Variants in CCDC61 observed in about 807,000 individuals in gnomAD.
CCDC61 encodes the protein coiled-coil domain containing 61.
Under a neutral mutation model 63.0 loss-of-function variants are expected in CCDC61, and 55 were observed. The observed-to-expected ratio is 0.87, with a 90% CI of 0.70 to 1.09. CCDC61 has a LOEUF of 1.09. Among genes scored for constraint, CCDC61 ranks in the 50% least tolerant of loss-of-function variants. CCDC61 has a pLI of 0.00. For missense variants in CCDC61, 651 were observed against 731.4 expected (o/e 0.89, Z 1.27); for synonymous variants, 270 against 317.0 (o/e 0.85, Z 1.58).
At chr19:46,011,144 G>C (rs1007232134) in intron 5 of CCDC61, among the ~76,000 whole-genome samples, 4 of 151,296 alleles carry the variant, frequency 2.6e-5, no homozygotes, top group Non-Finnish European at 5.9e-5. Flanking sequence ...TACCTCCTGG[G>C]CTCAAGCGAT....
At position 46,016,859 on chromosome 19, in the gene CCDC61, C is replaced by A; in HGVS notation, c.1231+26C>A. Reference sequence around the variant, plus strand: ...GTAACTGGCCTGGAGCTGGGGGCTGCCGGGCTAGGCGGGACTGGGCGGGGC... The same window carrying A: ...GTAACTGGCCTGGAGCTGGGGGCTGACGGGCTAGGCGGGACTGGGCGGGGC... On this transcript the variant is annotated intron_variant, in intron 10 of 13. Transcript: ENST00000595358. This position sits in a 1 kb window ranked among gnomAD's most constrained non-coding sequence, Gnocchi z 7.2. 7.5e-7 allele frequency: 1 copy of A among 1,325,532 alleles called. No individual in the cohort carries two copies. Among genetic ancestry groups the A allele is most frequent in the Non-Finnish European group, 9.9e-7 (1 of 1,011,182 alleles). The allele number at this position is 1,325,532 out of a possible 1,614,324, so 82.1% of individuals were successfully genotyped here.
Position 46,003,040 on chromosome 19 carries a change from C to T in CCDC61, c.22C>T (p.Gln8Ter). 2.5e-6 allele frequency: 4 copies of T among 1,577,930 alleles called. No individual in the cohort carries two copies. The highest frequency in any genetic ancestry group is 3.4e-6 in the Non-Finnish European group (4 of 1,161,694). MDQPAGL[Q>*]VDYVFRGVEH... ...GGCCATGGACCAGCCGGCTGGCCTG[C>T]AGGTGGACTACGTCTTCCGGGGTGT... The change falls in exon 2 of 14, where the codon CAG becomes TAG. Residue 8 changes from glutamine to a stop codon, truncating the protein, a stop_gained. Coordinates refer to ENST00000595358, the MANE Select transcript of CCDC61 (RefSeq NM_001267723.2). LOFTEE classifies it high-confidence loss of function.
chr19:46,009,791 C>G (rs1968788449), intron 5 of CCDC61, among the ~76,000 whole-genome samples: 1 of 149,062 alleles, frequency 6.7e-6, no homozygotes, highest in Non-Finnish European at 1.5e-5. Flanking sequence ...TCCTCAGGAT[C>G]TGCTCTCAGG....
At chr19:46,009,789 A>G (rs1482036349) in intron 5 of CCDC61, among the ~76,000 whole-genome samples, 2 of 148,992 alleles carry the variant, frequency 1.3e-5, no homozygotes, top group Non-Finnish European at 3.0e-5. Flanking sequence ...TATCCTCAGG[A>G]TCTGCTCTCA....
Position 46,003,418 on chromosome 19 carries a change from G to A in CCDC61, c.149-1G>A. 6.2e-7 allele frequency: 1 copy of A among 1,612,270 alleles called. No individual in the cohort carries two copies. Among genetic ancestry groups the A allele is most frequent in the Non-Finnish European group, 8.5e-7 (1 of 1,179,026 alleles). On this transcript the variant is annotated splice_acceptor_variant, in intron 2 of 13. Coordinates refer to ENST00000595358, the MANE Select transcript of CCDC61 (RefSeq NM_001267723.2). LOFTEE classifies it high-confidence loss of function. ...CAGGAGAGACTTTTCTCCCCACCCA[G>A]TCATTGAAGATTTGACTCACAAGAC...
rs1159262820 is a variant in CCDC61, at chr19:46,018,575, A to G, written c.*188A>G. 3 of 566,696 alleles carry G rather than the reference A, an allele frequency of 5.3e-6. No individual in the cohort carries two copies. The highest frequency in any genetic ancestry group is 3.8e-5 in the African/African-American group (2 of 52,684). 35.1% of individuals were successfully genotyped at this position (566,696 alleles called of 1,614,324 possible). ...CCCCAGGCAGTGCATGCTGGGAGGG[A>G]GGATGTGTGCATTTTGTAAATAAAC... On this transcript the variant is annotated 3_prime_UTR_variant, in exon 14 of 14. Transcript: ENST00000595358. The surrounding 1 kb of genome is among the most constrained non-coding windows in gnomAD (Gnocchi z 4.2).
chr19:46,004,648 A>G (rs1968664454), intron 3 of CCDC61, among the ~76,000 whole-genome samples: 1 of 150,624 alleles, frequency 6.6e-6, no homozygotes. Flanking sequence ...TATTTTTAGT[A>G]GAGATGGGGT....
In CCDC61 at chr19:45,996,073, T is replaced by C. The variant is rs1353079736; in HGVS notation, c.-12+569T>C. On this transcript the variant is annotated intron_variant, in intron 1 of 13. Coordinates refer to ENST00000595358, the MANE Select transcript of CCDC61 (RefSeq NM_001267723.2). ...ATGTGGGCTCTGGCGTCGGGTTGAATCCCGAATTTGAATCCTGGCTCTGCC... is the reference window on the plus strand; with the variant it reads ...ATGTGGGCTCTGGCGTCGGGTTGAACCCCGAATTTGAATCCTGGCTCTGCC... Among the ~76,000 whole-genome samples the C allele has an allele frequency of 3.3e-5, 5 of 152,212 alleles. No individual in the cohort carries two copies. The East Asian group carries it at 9.6e-4, about 29-fold the overall frequency.
In CCDC61 at chr19:46,008,251, C is replaced by G. The variant is rs750989563; in HGVS notation, c.501C>G (p.Gly167=). 4 of 1,609,128 alleles carry G rather than the reference C, an allele frequency of 2.5e-6. No individual in the cohort carries two copies. Among genetic ancestry groups the G allele is most frequent in the South Asian group, 1.1e-5 (1 of 90,686 alleles). The change falls in exon 5 of 14, where the codon GGC becomes GGG. Residue 167 remains glycine (G), a synonymous_variant. Transcript: ENST00000595358. The part of the protein sequence containing the change: ...EELGRLQGLD[G]QNTRDTRENE... The stretch of plus-strand genomic sequence containing the variant: ...TGGGCCGCCTGCAAGGGCTGGATGG[C>G]CAGAACACTCGGGACACCCGGGAGA...
chr19:46,008,321 G>GC lies in CCDC61; in HGVS notation c.551+21dup. 1.4e-6 allele frequency: 1 copy of GC among 702,904 alleles called. No individual in the cohort carries two copies. The highest frequency in any genetic ancestry group is 2.5e-6 in the Non-Finnish European group (1 of 406,298). 43.5% of individuals were successfully genotyped at this position (702,904 alleles called of 1,614,324 possible). A position where few individuals can be genotyped will look rare whatever the true frequency, so the allele number is the denominator to read the frequency against. ...GGAGCAGTGAGTCTTGGAGGGGTGG[G>GC]CAGCTGGGGCGGGTGGGGGCCCTCC... On this transcript the variant is annotated intron_variant, in intron 5 of 13. Transcript: ENST00000595358.
Position 46,003,513 on chromosome 19 carries a change from G to GT in CCDC61, c.231+14dup. On this transcript the variant is annotated intron_variant, in intron 3 of 13. Transcript: ENST00000595358. ...CAGCCCTCACTCAGGTAGGGCCCGG[G>GT]TTGGCGGGTTGGGGTGGGAGGGGGG... The GT allele has an allele frequency of 6.5e-7, 1 of 1,528,010 alleles. No individual in the cohort carries two copies. 94.7% of individuals were successfully genotyped at this position (1,528,010 alleles called of 1,614,324 possible). A position where few individuals can be genotyped will look rare whatever the true frequency, so the allele number is the denominator to read the frequency against.
chr19:46,004,835 CTTT>C lies in CCDC61; in HGVS notation c.231+1358_231+1360del, dbSNP rs748867869. Among the ~76,000 whole-genome samples the C allele has an allele frequency of 1.4e-3, 129 of 95,252 alleles. 1 individual carries two copies. Among genetic ancestry groups the C allele is most frequent in the Non-Finnish European group, 6.5e-4 (32 of 49,302 alleles). The allele number at this position is 95,252 out of a possible 152,430, so 62.5% of individuals were successfully genotyped here. A position where few individuals can be genotyped will look rare whatever the true frequency, so the allele number is the denominator to read the frequency against. On this transcript the variant is annotated intron_variant, in intron 3 of 13. Coordinates refer to ENST00000595358, the MANE Select transcript of CCDC61 (RefSeq NM_001267723.2). ...ACAGGGATGGGTGGTATTTAGATAT[CTTT>C]TTTTTTTTTTTTTTTTTTTTTTTGA...
Position 46,015,134 on chromosome 19 carries a change from C to A in CCDC61, c.637C>A (p.Arg213Ser). The stretch of plus-strand genomic sequence containing the variant: ...GGAGGCGCTGGCCGGGCGCGCGGCA[C>A]GCCAGGAGGCCGAGGCGCTGCGCGG... ...REEALAGRAA[R>S]QEAEALRGLV... Residue 213 changes from arginine (R) to serine (S), a missense_variant, in exon 6 of 14, where the codon CGC becomes AGC. Arg to Ser is a moderately radical substitution (Grantham distance 110, BLOSUM62 -1). Coordinates refer to ENST00000595358, the MANE Select transcript of CCDC61 (RefSeq NM_001267723.2). This position sits in a 1 kb window ranked among gnomAD's most constrained non-coding sequence, Gnocchi z 5.3. The A allele has an allele frequency of 7.8e-7, 1 of 1,282,404 alleles. No homozygotes were observed. Among genetic ancestry groups the A allele is most frequent in the Non-Finnish European group, 9.8e-7 (1 of 1,018,170 alleles). 79.4% of individuals were successfully genotyped at this position (1,282,404 alleles called of 1,614,324 possible).
At chr19:46,002,090 C>T (rs562212956) in intron 1 of CCDC61, among the ~76,000 whole-genome samples, 4 of 152,058 alleles carry the variant, frequency 2.6e-5, no homozygotes, top group South Asian at 4.2e-4. Context: ...ATTACAGGCA[C>T]GGGGCACCAC....
In CCDC61 at chr19:46,018,510, C is replaced by T. The variant is rs749338416; in HGVS notation, c.*123C>T. On this transcript the variant is annotated 3_prime_UTR_variant, in exon 14 of 14. Coordinates refer to ENST00000595358, the MANE Select transcript of CCDC61 (RefSeq NM_001267723.2). The surrounding 1 kb of genome is among the most constrained non-coding windows in gnomAD (Gnocchi z 4.2). ...CCCTGGCCCCGTCCCTCCTGCTGCC[C>T]CTGGGGTCTCAGGTGTGTGAGGCCC... 2.4e-5 allele frequency: 17 copies of T among 720,464 alleles called. No homozygotes were observed. The highest frequency in any genetic ancestry group is 3.5e-5 in the Non-Finnish European group (15 of 426,850). 44.6% of individuals were successfully genotyped at this position (720,464 alleles called of 1,614,324 possible).
At position 46,016,938 on chromosome 19, in the gene CCDC61, G is replaced by C; in HGVS notation, c.1232-53G>C. ...CGGGCGGGCTGGGAGGGCCTGGGAA[G>C]CACTGGGCGGGGCCAGCGAGGGCCA... On this transcript the variant is annotated intron_variant, in intron 10 of 13. Coordinates refer to ENST00000595358, the MANE Select transcript of CCDC61 (RefSeq NM_001267723.2). This position sits in a 1 kb window ranked among gnomAD's most constrained non-coding sequence, Gnocchi z 7.2. 6.4e-7 allele frequency: 1 copy of C among 1,555,098 alleles called. No individual in the cohort carries two copies. Among genetic ancestry groups the C allele is most frequent in the Non-Finnish European group, 8.7e-7 (1 of 1,149,986 alleles).
rs1417223138 is a variant in CCDC61, at chr19:46,015,087, C to T, written c.590C>T (p.Ala197Val). Reference protein sequence around the residue: ...RLASEKRELEAQLGRSREEAL... With the variant: ...RLASEKRELEVQLGRSREEAL... The stretch of plus-strand genomic sequence containing the variant: ...GCGTCCGAGAAGCGGGAGCTGGAGG[C>T]GCAGCTGGGCCGATCGCGCGAGGAG... The change falls in exon 6 of 14, where the codon GCG (alanine) becomes GTG (valine). Residue 197 changes from alanine to valine, a missense_variant. By Grantham distance (64) the Ala-to-Val change is moderately conservative (BLOSUM62 0). Transcript: ENST00000595358. This position sits in a 1 kb window ranked among gnomAD's most constrained non-coding sequence, Gnocchi z 5.3. 4.3e-6 allele frequency: 6 copies of T among 1,401,720 alleles called. No individual in the cohort carries two copies. In the Admixed American group the frequency reaches 1.2e-4, roughly 27 times the overall value. The allele number at this position is 1,401,720 out of a possible 1,614,324, so 86.8% of individuals were successfully genotyped here. A position where few individuals can be genotyped will look rare whatever the true frequency, so the allele number is the denominator to read the frequency against.
At chr19:46,004,467 TTTTG>T (rs897946884) in intron 3 of CCDC61, among the ~76,000 whole-genome samples, 9 of 151,948 alleles carry the variant, frequency 5.9e-5, no homozygotes, top group South Asian at 2.1e-4. Flanking sequence ...ATTTAAAAGT[TTTTG>T]TTTGTTTGTT....
intron 3 of CCDC61, among the ~76,000 whole-genome samples, chr19:46,005,108 T>C (rs139822307): frequency 0.072 from 10,940 of 152,204 alleles, 534 homozygotes; most frequent in Non-Finnish European, 0.11. Flanking sequence ...CCTCCCGATT[T>C]CAAGCAATTC....
Sources: gnomAD v4.1 joint callset for allele counts (sites outside exome capture counted in the v4.1 genomes callset) on GRCh38, gnomAD v4.1.1 for gene constraint, Gnocchi (gnomAD v3.1) non-coding constraint, MANE v1.5 for transcripts, NCBI Gene and HGNC (gene_info 2026-07-23, HGNC 2026-07-21) for gene names.